TGM7: variants seen among roughly 807,000 people sequenced by gnomAD.
The protein encoded by TGM7 is transglutaminase 7, also known as protein-glutamine gamma-glutamyltransferase Z.
In TGM7, 74 loss-of-function variants were observed where a neutral mutation model predicts 79.5. That is an observed-to-expected ratio of 0.93 (90% CI 0.77 to 1.13). The LOEUF (loss-of-function observed/expected upper bound fraction) is 1.13. Among genes scored for constraint, TGM7 ranks in the 50% most tolerant of loss-of-function variants. TGM7 has a pLI of 0.00. For missense variants in TGM7, 912 were observed against 905.9 expected, an observed-to-expected ratio of 1.01 and a Z score of -0.09; for synonymous variants, 354 against 362.5, an observed-to-expected ratio of 0.98 and a Z score of 0.27.
Position 43,289,488 on chromosome 15 carries a change from A to G in TGM7, c.559-1819T>C, listed in dbSNP as rs2042954085. Among the ~76,000 whole-genome samples the G allele has an allele frequency of 2.0e-5, 3 of 152,268 alleles. No individual in the cohort carries two copies. The South Asian group carries it at 6.2e-4, about 32-fold the overall frequency. The stretch of plus-strand genomic sequence containing the variant: ...TTGTTGGACATGTGGGTTGGTTCCA[A>G]GTCTTTGCTATTGTGAATTGTGCCG... On this transcript the variant is annotated intron_variant, in intron 4 of 12. Coordinates refer to ENST00000452443, the MANE Select transcript of TGM7 (RefSeq NM_052955.3).
intron 9 of TGM7, among the ~76,000 whole-genome samples, chr15:43,281,535 T>A (rs1264470849): frequency 6.6e-6 from 1 of 152,260 alleles, no homozygotes; most frequent in Non-Finnish European, 1.5e-5. Flanking sequence ...CCAGTGTGAA[T>A]TTCAGATAAA....
At chr15:43,289,507 T>A (rs1358280845) in intron 4 of TGM7, among the ~76,000 whole-genome samples, 1 of 152,146 alleles carries the variant, frequency 6.6e-6, no homozygotes, top group Non-Finnish European at 1.5e-5. Flanking sequence ...TATTGTGAAT[T>A]GTGCCGCAAT....
intron 11 of TGM7, 106 bp from the exon 12 acceptor site, chr15:43,277,101 C>T: frequency 2.1e-6 from 3 of 1,455,226 alleles, no homozygotes; most frequent in Non-Finnish European, 2.8e-6. Flanking sequence ...GGAACTGCGG[C>T]TTAGAGCTAA....
chr15:43,278,966 C>T (rs528229483), intron 11 of TGM7, 151 bp downstream of exon 11: 39 of 739,964 alleles, frequency 5.3e-5, no homozygotes, highest in African/African-American at 1.6e-4. Context: ...TCCAACCCCA[C>T]GCTGGTACAG....
chr15:43,286,046 G>A (rs2042934317), intron 6 of TGM7, among the ~76,000 whole-genome samples: 1 of 152,182 alleles, frequency 6.6e-6, no homozygotes, highest in African/African-American at 2.4e-5. Flanking sequence ...GGATTACACA[G>A]CTTCAAAAAG....
intron 11 of TGM7, among the ~76,000 whole-genome samples, chr15:43,277,320 G>C (rs1441911988): frequency 6.6e-6 from 1 of 152,216 alleles, no homozygotes; most frequent in Non-Finnish European, 1.5e-5. Flanking sequence ...CTACTAGGAA[G>C]GCTGTGTTAA....
chr15:43,293,649 A>G lies in TGM7; in HGVS notation c.11-18T>C, dbSNP rs1261827851. ...GGTTGCCACTAGGGGAGAGGAGGGG[A>G]CAGGTCACGCCCACCTGCAGTCCCC... On this transcript the variant is annotated intron_variant, in intron 1 of 12. Transcript: ENST00000452443. 3.8e-6 allele frequency: 6 copies of G among 1,583,452 alleles called. No homozygotes were observed. The highest frequency in any genetic ancestry group is 5.1e-6 in the Non-Finnish European group (6 of 1,166,680).
chr15:43,296,101 G>A (rs1368837802), intron 1 of TGM7, among the ~76,000 whole-genome samples: 1 of 152,204 alleles, frequency 6.6e-6, no homozygotes, highest in Non-Finnish European at 1.5e-5. Context: ...TGTGTAGCTA[G>A]GTCATGATAT....
intron 1 of TGM7, among the ~76,000 whole-genome samples, chr15:43,297,587 T>TAGAAAGAAAGAAAGAAAGAAAGAAAGAA (rs3038034): frequency 6.0e-4 from 69 of 114,564 alleles, no homozygotes; most frequent in South Asian, 9.7e-4. Context: ...TCTGCATGTA[T>TAGAAAGAAAGAAAGAAAGAAAGAAAGAA]AGAAAGAAAG....
At chr15:43,298,608 C>T (rs1465421822) in intron 1 of TGM7, among the ~76,000 whole-genome samples, 1 of 152,046 alleles carries the variant, frequency 6.6e-6, no homozygotes. Context: ...CAAAAATTAG[C>T]TGGGCATGGT....
In TGM7 at chr15:43,293,582, G is replaced by A. The variant is rs1235386844; in HGVS notation, c.60C>T (p.Asn20=). 5 of 1,610,488 alleles carry A rather than the reference G, an allele frequency of 3.1e-6. No homozygotes were observed. In the Admixed American group the frequency reaches 6.7e-5, roughly 22 times the overall value. ...ESVDLQSSRN[N]KEHHTQEMGV... ...CCATCTCCTGCGTGTGGTGCTCCTT[G>A]TTGTTCCTGGAGCTCTGCAGGTCGA... is the stretch of plus-strand genomic sequence containing the variant. Residue 20 remains asparagine, a synonymous_variant, in exon 2 of 13, where the codon AAC becomes AAT. Transcript: ENST00000452443.
At chr15:43,277,753 C>T (rs1028785389) in intron 11 of TGM7, among the ~76,000 whole-genome samples, 1 of 152,184 alleles carries the variant, frequency 6.6e-6, no homozygotes, top group African/African-American at 2.4e-5. Context: ...GAAATGAGCT[C>T]TGACCACCCA....
intron 1 of TGM7, among the ~76,000 whole-genome samples, chr15:43,294,835 TG>T (rs1253682158): frequency 6.6e-6 from 1 of 152,156 alleles, no homozygotes; most frequent in Non-Finnish European, 1.5e-5. Context: ...CCAGTTTTTG[TG>T]CCATTTGTAT....
chr15:43,301,230 G>C (rs1323007323), intron 1 of TGM7, among the ~76,000 whole-genome samples: 1 of 151,976 alleles, frequency 6.6e-6, no homozygotes, highest in Non-Finnish European at 1.5e-5. Context: ...CGACCCGCTT[G>C]CCTTGGCCTC....
intron 9 of TGM7, 30 bp downstream of exon 9, chr15:43,281,814 C>T (rs1228610046): frequency 6.2e-7 from 1 of 1,608,444 alleles, no homozygotes; most frequent in Non-Finnish European, 8.5e-7. Flanking sequence ...AAGCTTAAAG[C>T]AGCCCTTTCC....
chr15:43,285,889 T>C (rs559415036), intron 6 of TGM7, among the ~76,000 whole-genome samples: 3 of 151,582 alleles, frequency 2.0e-5, no homozygotes, highest in South Asian at 2.1e-4. Context: ...CAGAGCCAGA[T>C]GAAGTCAAGC....
At chr15:43,284,088 A>ACGTGG (rs2042922818) in intron 7 of TGM7, among the ~76,000 whole-genome samples, 1 of 152,080 alleles carries the variant, frequency 6.6e-6, no homozygotes, top group Non-Finnish European at 1.5e-5. Flanking sequence ...AGTCCCATCT[A>ACGTGG]CTCGGGGGGC....
chr15:43,285,618 G>A (rs1042380914), intron 6 of TGM7, among the ~76,000 whole-genome samples: 1 of 152,098 alleles, frequency 6.6e-6, no homozygotes, highest in Non-Finnish European at 1.5e-5. Flanking sequence ...AGAGGTAGGG[G>A]GAGGTATGAA....
intron 6 of TGM7, among the ~76,000 whole-genome samples, chr15:43,285,889 T>A (rs559415036): frequency 6.6e-6 from 1 of 151,464 alleles, no homozygotes; most frequent in East Asian, 1.9e-4. Context: ...CAGAGCCAGA[T>A]GAAGTCAAGC....
Sources: gnomAD v4.1 joint callset for allele counts (sites outside exome capture counted in the v4.1 genomes callset) on GRCh38, gnomAD v4.1.1 for gene constraint, MANE v1.5 for transcripts, NCBI Gene and HGNC (gene_info 2026-07-23, HGNC 2026-07-21) for gene names.